NXN: variants seen among roughly 807,000 people sequenced by gnomAD.
The protein encoded by NXN is nucleoredoxin.
A neutral mutation model predicts 48.6 loss-of-function variants in NXN; 16 were observed. The ratio of observed to expected loss-of-function variants is 0.33; its 90% CI spans 0.22 to 0.50. The LOEUF (loss-of-function observed/expected upper bound fraction) is 0.50. Ranked by LOEUF, NXN falls within the 20% of genes least tolerant of loss-of-function variation. The pLI is 0.98. For missense variants in NXN, 492 were observed against 605.5 expected, an observed-to-expected ratio of 0.81 and a Z score of 1.97; for synonymous variants, 281 against 269.6, an observed-to-expected ratio of 1.04 and a Z score of -0.41.
chr17:840,370 C>A (rs561033555), intron 1 of NXN, among the ~76,000 whole-genome samples: 1 of 151,886 alleles, frequency 6.6e-6, no homozygotes, highest in Non-Finnish European at 1.5e-5. Flanking sequence ...GACGGAGTCT[C>A]GCTCTGCCGC....
chr17:871,120 C>T (rs2068148686), intron 1 of NXN, among the ~76,000 whole-genome samples: 1 of 152,062 alleles, frequency 6.6e-6, no homozygotes, highest in Admixed American at 6.6e-5. Context: ...CTCGGCCTCC[C>T]AAAGTGCTGG....
chr17:839,797 T>TTAAAA (rs1555612501), intron 1 of NXN, among the ~76,000 whole-genome samples: 1 of 57,260 alleles, frequency 1.7e-5, no homozygotes, highest in Non-Finnish European at 3.1e-5. Flanking sequence ...GAGACCTTGT[T>TTAAAA]AAAAAAAAAA....
At position 849,679 on chromosome 17, in the gene NXN, G is replaced by C. The variant is rs368565736; in HGVS notation, c.361-23601C>G. Among the ~76,000 whole-genome samples, 263 of 152,278 alleles carry C rather than the reference G, an allele frequency of 1.7e-3. 1 individual carries two copies. The highest frequency in any genetic ancestry group is 5.7e-3 in the African/African-American group (237 of 41,558). The stretch of plus-strand genomic sequence containing the variant: ...GCTGCCTCATCCCTTTACCTCCGCA[G>C]ACAAGCAATCATCATTTCCTAAACG... On this transcript the variant is annotated intron_variant, in intron 1 of 7. Coordinates refer to ENST00000336868, the MANE Select transcript of NXN (RefSeq NM_022463.5). This position sits in a 1 kb window ranked among gnomAD's most constrained non-coding sequence, Gnocchi z 4.2.
In NXN at chr17:899,667, A is replaced by G. The variant is rs572264797; in HGVS notation, c.361-73589T>C. ...TCCTCTCTGTTACGGAGATTTAGGT[A>G]CAGGGTTTCTTTTCCTGGGAGACAG... On this transcript the variant is annotated intron_variant, in intron 1 of 7. Transcript: ENST00000336868. Among the ~76,000 whole-genome samples the G allele has an allele frequency of 2.0e-5, 3 of 152,262 alleles. No homozygotes were observed. The East Asian group carries it at 5.8e-4, about 29-fold the overall frequency.
At chr17:815,834 CAG>C (rs1321242409) in intron 5 of NXN, among the ~76,000 whole-genome samples, 1 of 152,212 alleles carries the variant, frequency 6.6e-6, no homozygotes, top group Non-Finnish European at 1.5e-5. Context: ...CCACGTCAAA[CAG>C]AGTCACACTT....
intron 1 of NXN, among the ~76,000 whole-genome samples, chr17:835,018 G>A (rs899651153): frequency 1.3e-5 from 2 of 151,140 alleles, no homozygotes; most frequent in Admixed American, 6.6e-5. Flanking sequence ...AACAGAAAAC[G>A]TCACAGCAGG....
intron 1 of NXN, among the ~76,000 whole-genome samples, chr17:852,841 C>T (rs1244834053): frequency 6.8e-6 from 1 of 147,012 alleles, no homozygotes; most frequent in Non-Finnish European, 1.5e-5. Context: ...TTTAATGCAG[C>T]ATTTCCTCAG....
At chr17:890,273 A>C (rs1205353567) in intron 1 of NXN, among the ~76,000 whole-genome samples, 1 of 152,196 alleles carries the variant, frequency 6.6e-6, no homozygotes, top group Non-Finnish European at 1.5e-5. Flanking sequence ...GGAGATAATT[A>C]AAGTTTGAAT....
intron 5 of NXN, among the ~76,000 whole-genome samples, chr17:809,207 C>G (rs570409854): frequency 6.0e-4 from 92 of 152,294 alleles, no homozygotes; most frequent in African/African-American, 2.2e-3. Flanking sequence ...TCCACCATCC[C>G]AAGCTACACT....
At chr17:937,688 G>A (rs1021236113) in intron 1 of NXN, among the ~76,000 whole-genome samples, 12 of 152,124 alleles carry the variant, frequency 7.9e-5, no homozygotes, top group Non-Finnish European at 1.2e-4. Context: ...GAAGTATCCT[G>A]GAGACAGACA....
intron 1 of NXN, among the ~76,000 whole-genome samples, chr17:887,317 C>G (rs1367661635): frequency 1.3e-5 from 2 of 152,152 alleles, no homozygotes; most frequent in East Asian, 3.8e-4. Context: ...GGCGGAGGTG[C>G]AGGGGGAGGT....
At chr17:960,788 A>ATTTTTT (rs1159400723) in intron 1 of NXN, among the ~76,000 whole-genome samples, 3 of 138,190 alleles carry the variant, frequency 2.2e-5, no homozygotes, top group Admixed American at 7.3e-5. Context: ...AATTAACTCG[A>ATTTTTT]TTTTTTTTTT....
At chr17:950,072 C>T (rs574805250) in intron 1 of NXN, among the ~76,000 whole-genome samples, 1 of 152,274 alleles carries the variant, frequency 6.6e-6, no homozygotes, top group East Asian at 1.9e-4. Flanking sequence ...TTAAAAGAAG[C>T]CCCTTAACTC....
intron 1 of NXN, among the ~76,000 whole-genome samples, chr17:872,613 C>CTT (rs34081114): frequency 0.016 from 1,241 of 75,268 alleles, 8 homozygotes; most frequent in East Asian, 0.025. Context: ...CGGGTGAGAT[C>CTT]TTTTTTTTTT....
At chr17:842,117 C>T (rs1182285672) in intron 1 of NXN, among the ~76,000 whole-genome samples, 3 of 152,126 alleles carry the variant, frequency 2.0e-5, no homozygotes, top group Non-Finnish European at 4.4e-5. Flanking sequence ...GCCTGGGCGA[C>T]AGAGAGAGAC....
chr17:856,171 A>G (rs2067983912), intron 1 of NXN, among the ~76,000 whole-genome samples: 1 of 152,042 alleles, frequency 6.6e-6, no homozygotes, highest in Non-Finnish European at 1.5e-5. Flanking sequence ...CCAGCCTGGC[A>G]ACAAAGTGAG....
At chr17:913,092 T>C (rs529672530) in intron 1 of NXN, among the ~76,000 whole-genome samples, 48 of 152,366 alleles carry the variant, frequency 3.2e-4, no homozygotes, top group African/African-American at 9.9e-4. Context: ...TTGGACCATA[T>C]AGAAGTTTTA....
intron 1 of NXN, among the ~76,000 whole-genome samples, chr17:943,323 A>G (rs890617803): frequency 3.9e-5 from 6 of 152,056 alleles, no homozygotes; most frequent in Non-Finnish European, 8.8e-5. Context: ...CTCCAGAGAA[A>G]GGTCACCAAC....
At chr17:909,858 T>C (rs1188748060) in intron 1 of NXN, 1 of 152,116 alleles carries the variant, frequency 6.6e-6, no homozygotes, top group Non-Finnish European at 1.5e-5. Context: ...CTTAAGCAAC[T>C]GCTGGTAGTG....
Sources: allele counts gnomAD v4.1 joint callset (sites outside exome capture counted in the v4.1 genomes callset), GRCh38; gene constraint gnomAD v4.1.1; non-coding constraint Gnocchi (gnomAD v3.1); transcripts MANE v1.5; gene names NCBI Gene and HGNC (gene_info 2026-07-23, HGNC 2026-07-21).